The following NIPA2 variants were observed in gnomAD, a reference collection of about 807,000 sequenced individuals.
NIPA2 encodes the protein NIPA magnesium transporter 2, also known as magnesium transporter NIPA2.
In NIPA2, 11 loss-of-function variants were observed where a neutral mutation model predicts 29.7. The observed-to-expected ratio is 0.37, with a 90% CI of 0.23 to 0.61. The LOEUF is 0.61. NIPA2 is among the 20% of genes least tolerant of loss of function. The probability of loss-of-function intolerance (pLI) is 0.66; values close to 1 mark genes in which losing one functional copy is unlikely to be tolerated. For missense variants in NIPA2, 426 were observed against 437.9 expected (o/e 0.97, Z 0.24); for synonymous variants, 183 against 161.9 (o/e 1.13, Z -0.99).
At chr15:22,857,001 A>G (rs1288259317) in intron 5 of NIPA2, among the ~76,000 whole-genome samples, 1 of 152,222 alleles carries the variant, frequency 6.6e-6, no homozygotes, top group Non-Finnish European at 1.5e-5. Context: ...CTGACAGCCC[A>G]TATCTAATGC....
intron 2 of NIPA2, among the ~76,000 whole-genome samples, chr15:22,844,105 C>T (rs147976546): frequency 5.5e-4 from 84 of 152,254 alleles, no homozygotes; most frequent in Middle Eastern, 6.8e-3. Flanking sequence ...GAATACTAGT[C>T]CATTTTTGCC....
intron 2 of NIPA2, among the ~76,000 whole-genome samples, chr15:22,842,919 C>G (rs1327540781): frequency 6.6e-6 from 1 of 151,524 alleles, no homozygotes; most frequent in Non-Finnish European, 1.5e-5. Context: ...AGGAGAATGG[C>G]ATGAACCCAG....
chr15:22,841,814 C>T (rs1023797331), intron 2 of NIPA2, among the ~76,000 whole-genome samples: 6 of 152,048 alleles, frequency 3.9e-5, no homozygotes, highest in Non-Finnish European at 8.8e-5. Flanking sequence ...GCCGGACACT[C>T]GCTTTTTCAC....
chr15:22,866,552 G>T lies in NIPA2; in HGVS notation c.788G>T (p.Cys263Phe), dbSNP rs374375792. The T allele has an allele frequency of 2.5e-6, 4 of 1,614,030 alleles. No homozygotes were observed. The highest frequency in any genetic ancestry group is 3.4e-6 in the Non-Finnish European group (4 of 1,179,916). Reference protein sequence around the residue: ...YVFFTTSVLTCSAILFKEWQD... With the variant: ...YVFFTTSVLTFSAILFKEWQD... ...TTCTTTACAACATCAGTTTTAACTT[G>T]TTCAGCTATTCTTTTTAAGGAGTGG... is the stretch of plus-strand genomic sequence containing the variant. Residue 263 changes from cysteine to phenylalanine, a missense_variant, in exon 8 of 8, where the codon TGT becomes TTT. Transcript: ENST00000337451.
In NIPA2 at chr15:22,858,840, G is replaced by T. The variant is rs114578402; in HGVS notation, c.287+210G>T. ...TGGGAGAAAATGCTTTGTCTTGCTT[G>T]TATTCAGAGCCAGTACTAGTTCTAC... On this transcript the variant is annotated intron_variant, in intron 6 of 7. Coordinates refer to ENST00000337451, the MANE Select transcript of NIPA2 (RefSeq NM_030922.7). Among the ~76,000 whole-genome samples the T allele has an allele frequency of 3.6e-3, 544 of 152,262 alleles. 3 individuals carry two copies. The highest frequency in any genetic ancestry group is 0.013 in the African/African-American group (521 of 41,546).
In NIPA2 at chr15:22,867,541, C is replaced by CAGTT. The variant is rs146187627; in HGVS notation, c.*696_*699dup. 7.6e-3 allele frequency: 1,780 copies of CAGTT among 233,132 alleles called. 30 individuals are homozygous for CAGTT. Among genetic ancestry groups the CAGTT allele is most frequent in the African/African-American group, 0.037 (1,671 of 44,722 alleles). 14.4% of individuals were successfully genotyped at this position (233,132 alleles called of 1,614,324 possible). On this transcript the variant is annotated 3_prime_UTR_variant, in exon 8 of 8. Coordinates refer to ENST00000337451, the MANE Select transcript of NIPA2 (RefSeq NM_030922.7). ...TTGCAGCCTGGCTGGGTTTATTCTTCAGTTACCCTAATCCCATGATGCCTG... is the reference window on the plus strand; with the variant it reads ...TTGCAGCCTGGCTGGGTTTATTCTTCAGTTAGTTACCCTAATCCCATGATGCCTG...
At chr15:22,854,530 A>C (rs1415547792) in intron 5 of NIPA2, among the ~76,000 whole-genome samples, 6 of 150,272 alleles carry the variant, frequency 4.0e-5, no homozygotes, top group Admixed American at 6.6e-5. Context: ...GGATCACTTG[A>C]GGTCAAGAGT....
intron 6 of NIPA2, among the ~76,000 whole-genome samples, chr15:22,859,571 C>T (rs1017969442): frequency 2.0e-5 from 3 of 152,290 alleles, no homozygotes; most frequent in African/African-American, 4.8e-5. Context: ...GGATTACAGG[C>T]GTGAGCCACT....
chr15:22,866,187 A>C, intron 7 of NIPA2, 26 bp from the exon 8 acceptor site: 1 of 1,595,816 alleles, frequency 6.3e-7, no homozygotes, highest in South Asian at 1.1e-5. Flanking sequence ...CATTTGACTC[A>C]TGTAACTTTT....
intron 3 of NIPA2, among the ~76,000 whole-genome samples, chr15:22,849,488 T>C (rs2057552176): frequency 6.6e-6 from 1 of 152,080 alleles, no homozygotes. Context: ...GACAGTCTCA[T>C]CCATGAGATT....
At chr15:22,857,772 G>T (rs1312305793) in intron 5 of NIPA2, among the ~76,000 whole-genome samples, 1 of 147,714 alleles carries the variant, frequency 6.8e-6, no homozygotes, top group Non-Finnish European at 1.5e-5. Context: ...GGGAGGTGGA[G>T]GTTGCAGTGA....
intron 5 of NIPA2, among the ~76,000 whole-genome samples, chr15:22,855,888 T>G (rs2058141762): frequency 6.6e-6 from 1 of 152,168 alleles, no homozygotes; most frequent in African/African-American, 2.4e-5. Context: ...TACATAGCCC[T>G]CAGTGACTCC....
At chr15:22,866,165 A>C in intron 7 of NIPA2, 48 bp from the exon 8 acceptor site, 1 of 1,517,886 alleles carries the variant, frequency 6.6e-7, no homozygotes, top group East Asian at 2.3e-5. Flanking sequence ...TCTGTGTTTA[A>C]GAACAACCAA....
chr15:22,866,231 C>T lies in NIPA2; in HGVS notation c.467C>T (p.Thr156Ile). The T allele has an allele frequency of 6.2e-7, 1 of 1,613,444 alleles. No homozygotes were observed. Among genetic ancestry groups the T allele is most frequent in the Non-Finnish European group, 8.5e-7 (1 of 1,179,406 alleles). ...LGDPGFVVFA[T>I]LVVIVALILI... is the part of the protein sequence containing the mutation. ...CCTCCAGGTTTTGTGGTCTTTGCAA[C>T]CCTTGTGGTCATTGTGGCCTTGATA... The change falls in exon 8 of 8, where the codon ACC becomes ATC. Residue 156 changes from threonine to isoleucine, a missense_variant. This residue lies in a region of NIPA2 where 357 missense variants were observed against 339.8 expected (regional missense o/e 1.05). Transcript: ENST00000337451.
intron 7 of NIPA2, among the ~76,000 whole-genome samples, chr15:22,865,185 T>C (rs187781220): frequency 2.0e-5 from 3 of 151,142 alleles, no homozygotes; most frequent in African/African-American, 4.8e-5. Context: ...TGTGTATTTG[T>C]GTCTTTAATA....
Position 22,838,856 on chromosome 15 carries a change from G to T in NIPA2, c.-417G>T, listed in dbSNP as rs542872207. 17 of 152,636 alleles carry T rather than the reference G, an allele frequency of 1.1e-4. No homozygotes were observed. The highest frequency in any genetic ancestry group is 3.9e-4 in the East Asian group (2 of 5,186). 9.5% of individuals were successfully genotyped at this position (152,636 alleles called of 1,614,324 possible). On this transcript the variant is annotated 5_prime_UTR_variant, in exon 1 of 8. Coordinates refer to ENST00000337451, the MANE Select transcript of NIPA2 (RefSeq NM_030922.7). The stretch of plus-strand genomic sequence containing the variant: ...GCAGGACTGGGCGGCCTGTGTGGGG[G>T]TGTGAGCCGCGGTGCCCAAGGCTGC...
chr15:22,855,202 C>T (rs772820712), intron 5 of NIPA2, among the ~76,000 whole-genome samples: 11 of 151,666 alleles, frequency 7.3e-5, no homozygotes, highest in Non-Finnish European at 1.3e-4. Context: ...CACCTGAGGT[C>T]AGGAGTGAGA....
chr15:22,849,599 G>C (rs1355709052), intron 3 of NIPA2, among the ~76,000 whole-genome samples: 1 of 148,650 alleles, frequency 6.7e-6, no homozygotes, highest in Admixed American at 6.8e-5. Context: ...TCGCTCTGTC[G>C]CCCAGGCTGG....
chr15:22,850,849 A>G lies in NIPA2; in HGVS notation c.-93-790A>G, dbSNP rs2057679952. ...AAATTGTGGGACTAAAAATCCCAAG[A>G]TGTGCTAGAAAGCTGATCTGGCAGT... On this transcript the variant is annotated intron_variant, in intron 3 of 7. Transcript: ENST00000337451. 2.0e-5 allele frequency among the ~76,000 whole-genome samples: 3 copies of G among 152,324 alleles called. No individual in the cohort carries two copies. The South Asian group carries it at 6.2e-4, about 32-fold the overall frequency.
Sources: gnomAD v4.1 joint callset for allele counts (sites outside exome capture counted in the v4.1 genomes callset) on GRCh38, gnomAD v4.1.1 for gene constraint, gnomAD v4.1.1 regional missense constraint, MANE v1.5 for transcripts, NCBI Gene and HGNC (gene_info 2026-07-23, HGNC 2026-07-21) for gene names.